CAST: variants seen among roughly 807,000 people sequenced by gnomAD.
CAST encodes the protein calpastatin.
CAST carries 76 observed loss-of-function variants against 119.6 expected under a neutral mutation model. That is an observed-to-expected ratio of 0.64 (90% CI 0.53 to 0.77). CAST has a LOEUF of 0.77. Among genes scored for constraint, CAST ranks in the 30% least tolerant of loss-of-function variants. The probability of loss-of-function intolerance (pLI) is 0.00; values close to 1 mark genes in which losing one functional copy is unlikely to be tolerated. For synonymous variants in CAST, 319 were observed against 331.6 expected, an observed-to-expected ratio of 0.96 and a Z score of 0.41; for missense variants, 953 against 946.5, an observed-to-expected ratio of 1.01 and a Z score of -0.09.
chr5:96,712,400 C>T lies in CAST; in HGVS notation c.211-10239C>T, dbSNP rs150384965. On this transcript the variant is annotated intron_variant, in intron 3 of 31. Coordinates refer to ENST00000675179, the MANE Select transcript of CAST (RefSeq NM_001750.7). ...GGGCTGGAGTGCAGTGGTGCAATCA[C>T]GGGCCACTGCAGCCTTTATGTCCAG... Among the ~76,000 whole-genome samples the T allele has an allele frequency of 3.3e-3, 502 of 152,212 alleles. 2 individuals are homozygous for T. Among genetic ancestry groups the T allele is most frequent in the African/African-American group, 0.011 (477 of 41,514 alleles).
chr5:96,662,609 GCC>G, intron 1 of CAST, 112 bp downstream of exon 1: 1 of 1,250,720 alleles, frequency 8.0e-7, no homozygotes, highest in Non-Finnish European at 1.0e-6. Context: ...AGTCCCCGGC[GCC>G]CCCGCGGGGC....
At chr5:96,647,754 C>A (rs1006375252) in intron 1 of CAST, among the ~76,000 whole-genome samples, 9 of 152,146 alleles carry the variant, frequency 5.9e-5, no homozygotes, top group African/African-American at 1.9e-4. Context: ...GGAGCTAGGA[C>A]AGATCCTTCC....
chr5:96,010,527 G>T, the CAST span, among the ~76,000 whole-genome samples: 1 of 152,128 alleles, frequency 6.6e-6, no homozygotes, highest in African/African-American at 2.4e-5. Flanking sequence ...GGCCAGGCTG[G>T]TCTAGAACTC....
chr5:95,961,584 C>T, the CAST span: 16 of 1,597,268 alleles, frequency 1.0e-5, no homozygotes, highest in Non-Finnish European at 1.4e-5. Context: ...CCTTGTGGCT[C>T]TGGTAAGTCT....
chr5:96,243,546 A>G, the CAST span, among the ~76,000 whole-genome samples: 1 of 152,178 alleles, frequency 6.6e-6, no homozygotes, highest in Non-Finnish European at 1.5e-5. Flanking sequence ...AAGTACTGCT[A>G]TATCTCTATC....
rs1270945842 is a variant in CAST, at chr5:96,561,801, T to TTTGTTTTTTTG, written c.60+31923_60+31924insGTTTTTTTGTT. 1.3e-4 allele frequency among the ~76,000 whole-genome samples: 11 copies of TTTGTTTTTTTG among 87,688 alleles called. 1 individual carries two copies. Among genetic ancestry groups the TTTGTTTTTTTG allele is most frequent in the East Asian group, 6.4e-4 (1 of 1,558 alleles). The allele number at this position is 87,688 out of a possible 152,430, so 57.5% of individuals were successfully genotyped here. A position where few individuals can be genotyped will look rare whatever the true frequency, so the allele number is the denominator to read the frequency against. ...TTATATATATGTTTTTTTTTGTTTTTTTTTTTTTTGAGACGGAGTCTCGCT... is the reference window on the plus strand; with the variant it reads ...TTATATATATGTTTTTTTTTGTTTTTTTGTTTTTTTGTTTTTTTTTGAGACGGAGTCTCGCT... On this transcript the variant is annotated intron_variant, in intron 1 of 11. Transcript: ENST00000505143.
upstream of CAST, among the ~76,000 whole-genome samples, chr5:96,524,352 A>C (rs142384833): frequency 3.9e-5 from 6 of 152,250 alleles, no homozygotes; most frequent in African/African-American, 9.6e-5. Context: ...ATGACAGTGA[A>C]GTATCTGAAA....
chr5:96,227,776 A>G, the CAST span, among the ~76,000 whole-genome samples: 3 of 152,158 alleles, frequency 2.0e-5, no homozygotes, highest in Non-Finnish European at 4.4e-5. Context: ...CAATTTCTAG[A>G]TAAAGCCTTG....
At chr5:95,967,717 T>A in the CAST span, among the ~76,000 whole-genome samples, 1 of 152,224 alleles carries the variant, frequency 6.6e-6, no homozygotes, top group African/African-American at 2.4e-5. Context: ...ACCATGATTG[T>A]TAGTTTCCTG....
chr5:96,349,680 G>C, the CAST span, among the ~76,000 whole-genome samples: 12 of 152,234 alleles, frequency 7.9e-5, no homozygotes, highest in East Asian at 2.3e-3. Flanking sequence ...GGAAAATAAA[G>C]ACTAAAAAGT....
intron 3 of CAST, among the ~76,000 whole-genome samples, chr5:96,700,319 T>G (rs1753730122): frequency 1.3e-5 from 2 of 152,180 alleles, no homozygotes; most frequent in African/African-American, 4.8e-5. Context: ...GAGGCTGAAT[T>G]TAAGGTTAAA....
the CAST span, among the ~76,000 whole-genome samples, chr5:96,197,223 C>T: frequency 6.6e-6 from 1 of 152,216 alleles, no homozygotes; most frequent in Middle Eastern, 3.4e-3. Flanking sequence ...GAGAGCAACC[C>T]TTGCTTGTTT....
chr5:96,170,645 T>G, the CAST span, among the ~76,000 whole-genome samples: 1 of 152,082 alleles, frequency 6.6e-6, no homozygotes, highest in Non-Finnish European at 1.5e-5. Context: ...CCTTTCAGGG[T>G]CTAGGGCTGT....
chr5:95,990,442 G>T, the CAST span, among the ~76,000 whole-genome samples: 1,585 of 151,956 alleles, frequency 0.01, 37 homozygotes, highest in African/African-American at 0.037. Context: ...AATAAGGTTT[G>T]TTTTTATAAT....
At chr5:96,432,803 G>C in the CAST span, 1 of 1,427,896 alleles carries the variant, frequency 7.0e-7, no homozygotes, top group Non-Finnish European at 9.9e-7. Flanking sequence ...GGAAGACCGC[G>C]CTCCAGTCCC....
intron 1 of CAST, among the ~76,000 whole-genome samples, chr5:96,656,179 G>A (rs573913567): frequency 4.6e-5 from 7 of 152,272 alleles, no homozygotes; most frequent in African/African-American, 1.7e-4. Flanking sequence ...ATTTCTTACT[G>A]AGGACCACGG....
At chr5:96,003,716 AAT>A in the CAST span, among the ~76,000 whole-genome samples, 1 of 152,162 alleles carries the variant, frequency 6.6e-6, no homozygotes, top group African/African-American at 2.4e-5. Flanking sequence ...TTAGAATTAA[AAT>A]AGTTTTTTCA....
At chr5:96,149,494 G>A in the CAST span, among the ~76,000 whole-genome samples, 3 of 152,254 alleles carry the variant, frequency 2.0e-5, no homozygotes, top group Non-Finnish European at 4.4e-5. Flanking sequence ...GAAGAACATG[G>A]CATCAGCCTC....
At chr5:96,358,933 G>A in the CAST span, among the ~76,000 whole-genome samples, 1 of 152,086 alleles carries the variant, frequency 6.6e-6, no homozygotes, top group African/African-American at 2.4e-5. Flanking sequence ...ATTGACAGTG[G>A]GGTGTTAAAG....
Sources: allele counts gnomAD v4.1 joint callset (sites outside exome capture counted in the v4.1 genomes callset), GRCh38; gene constraint gnomAD v4.1.1; transcripts MANE v1.5; gene names NCBI Gene and HGNC (gene_info 2026-07-23, HGNC 2026-07-21).